Variants in RIMS2 observed in about 807,000 individuals in gnomAD.
RIMS2 encodes regulating synaptic membrane exocytosis protein 2.
RIMS2 carries 59 observed loss-of-function variants against 174.4 expected under a neutral mutation model. The observed-to-expected ratio is 0.34, with a 90% confidence interval of 0.27 to 0.42. The LOEUF is 0.42. RIMS2 is among the 10% of genes least tolerant of loss of function. RIMS2 has a pLI of 1.00. For missense variants in RIMS2, 1,620 were observed against 1,666.3 expected (o/e 0.97, Z 0.48); for synonymous variants, 606 against 572.5 (o/e 1.06, Z -0.84).
chr8:103,559,226 T>C (rs2091177194), intron 1 of RIMS2: 1 of 201,388 alleles, frequency 5.0e-6, no homozygotes, highest in African/African-American at 2.4e-5. Context: ...CCCCACTTCC[T>C]TCTTCTTCTT....
At chr8:103,705,186 T>C (rs1032349404) in intron 2 of RIMS2, among the ~76,000 whole-genome samples, 9 of 152,120 alleles carry the variant, frequency 5.9e-5, no homozygotes, top group African/African-American at 1.7e-4. Flanking sequence ...AATTTTCTTC[T>C]TAATTTCTTC....
chr8:104,194,485 G>A (rs1251496633), intron 19 of RIMS2, among the ~76,000 whole-genome samples: 1 of 152,092 alleles, frequency 6.6e-6, no homozygotes, highest in Non-Finnish European at 1.5e-5. Context: ...ATACGCTTTA[G>A]ATATAGGGTG....
intron 4 of RIMS2, among the ~76,000 whole-genome samples, chr8:103,902,009 A>G (rs1201730947): frequency 6.6e-6 from 1 of 152,200 alleles, no homozygotes; most frequent in East Asian, 1.9e-4. Context: ...GAGTCTTAGC[A>G]TGGCTAAGCT....
chr8:104,063,521 G>A (rs1344917903), intron 19 of RIMS2, among the ~76,000 whole-genome samples: 2 of 152,098 alleles, frequency 1.3e-5, no homozygotes, highest in Admixed American at 6.6e-5. Context: ...GATGGGGTAA[G>A]GAATAGAGGG....
At chr8:104,208,168 T>C (rs939325051) in intron 19 of RIMS2, among the ~76,000 whole-genome samples, 6 of 151,578 alleles carry the variant, frequency 4.0e-5, no homozygotes. Context: ...GCCAGAGATA[T>C]AGTACATTTC....
intron 1 of RIMS2, among the ~76,000 whole-genome samples, chr8:103,615,168 A>T (rs2095476409): frequency 6.6e-6 from 1 of 152,220 alleles, no homozygotes; most frequent in African/African-American, 2.4e-5. Context: ...AAAAGAACTG[A>T]AATAATACCA....
intron 3 of RIMS2, among the ~76,000 whole-genome samples, chr8:103,817,808 A>G (rs1042506663): frequency 4.6e-5 from 7 of 152,096 alleles, no homozygotes; most frequent in African/African-American, 1.7e-4. Context: ...AAATAAATAA[A>G]TAAAGCATCA....
intron 1 of RIMS2, among the ~76,000 whole-genome samples, chr8:103,548,043 C>G (rs910884395): frequency 6.6e-6 from 1 of 151,946 alleles, no homozygotes; most frequent in Non-Finnish European, 1.5e-5. Flanking sequence ...AAAAAAAGCC[C>G]AGGAGCAGAT....
At chr8:103,936,455 C>T (rs2081270095) in intron 12 of RIMS2, 96 bp from the exon 15 acceptor site, 1 of 690,816 alleles carries the variant, frequency 1.4e-6, no homozygotes, top group Non-Finnish European at 2.3e-6. Flanking sequence ...GGTAAAACTT[C>T]ACCTGACTTG....
intron 1 of RIMS2, among the ~76,000 whole-genome samples, chr8:103,561,803 T>C (rs2091635451): frequency 6.6e-6 from 1 of 152,174 alleles, no homozygotes; most frequent in Admixed American, 6.5e-5. Context: ...GATAAAGACA[T>C]ACCTGAGACT....
At chr8:104,010,259 CA>C (rs577383258) in intron 17 of RIMS2, among the ~76,000 whole-genome samples, 27 of 151,960 alleles carry the variant, frequency 1.8e-4, no homozygotes, top group African/African-American at 6.0e-4. Context: ...TATGTTGACC[CA>C]AAAAAATGAT....
chr8:104,164,653 G>T (rs774221031), intron 19 of RIMS2, among the ~76,000 whole-genome samples: 1 of 152,112 alleles, frequency 6.6e-6, no homozygotes, highest in Non-Finnish European at 1.5e-5. Flanking sequence ...TCTTTTCAGG[G>T]ATGTGGATGG....
intron 19 of RIMS2, among the ~76,000 whole-genome samples, chr8:104,188,229 A>AGAT (rs1554594318): frequency 7.6e-6 from 1 of 131,594 alleles, no homozygotes; most frequent in African/African-American, 3.0e-5. Flanking sequence ...TCAGATAGAT[A>AGAT]GATAGATAGA....
chr8:104,112,413 AT>A (rs1319338232), intron 19 of RIMS2, among the ~76,000 whole-genome samples: 2 of 152,090 alleles, frequency 1.3e-5, no homozygotes. Flanking sequence ...AACATATGGC[AT>A]TCCTATACTA....
chr8:103,918,389 C>A, intron 8 of RIMS2, 52 bp from the exon 12 acceptor site: 1 of 1,130,116 alleles, frequency 8.8e-7, no homozygotes, highest in Non-Finnish European at 1.3e-6. Context: ...ATATGAGTTG[C>A]ATTAATTGTT....
Position 104,071,711 on chromosome 8 carries a change from C to T in RIMS2, c.3334+57096C>T, listed in dbSNP as rs561485032. Among the ~76,000 whole-genome samples, 5 of 152,284 alleles carry T rather than the reference C, an allele frequency of 3.3e-5. No homozygotes were observed. The South Asian group carries it at 1.0e-3, about 32-fold the overall frequency. Reference sequence around the variant, plus strand: ...TTGGCCTCCCAAAGTGCTGGGATTACAGGCATGAGCCACCACGCCCGGCCG... The same window carrying T: ...TTGGCCTCCCAAAGTGCTGGGATTATAGGCATGAGCCACCACGCCCGGCCG... On this transcript the variant is annotated intron_variant, in intron 19 of 23. Transcript: ENST00000504942.
chr8:103,931,186 G>A, intron 11 of RIMS2, 77 bp from the exon 14 acceptor site: 1 of 1,054,002 alleles, frequency 9.5e-7, no homozygotes, highest in South Asian at 1.4e-5. Flanking sequence ...AAGAGAATGG[G>A]GTGAAGATTG....
At chr8:103,793,235 G>A (rs1446487878) in intron 3 of RIMS2, among the ~76,000 whole-genome samples, 2 of 152,130 alleles carry the variant, frequency 1.3e-5, no homozygotes, top group Non-Finnish European at 2.9e-5. Context: ...TATCCACTAC[G>A]ATCAAGTGGG....
chr8:103,636,780 A>G (rs930587518), intron 1 of RIMS2, among the ~76,000 whole-genome samples: 4 of 56,440 alleles, frequency 7.1e-5, no homozygotes, highest in African/African-American at 1.5e-4. Context: ...TCTATAACCC[A>G]CCCCCGCACC....
Sources: allele counts gnomAD v4.1 joint callset (sites outside exome capture counted in the v4.1 genomes callset), GRCh38; gene constraint gnomAD v4.1.1; transcripts MANE v1.5; gene names NCBI Gene and HGNC (gene_info 2026-07-23, HGNC 2026-07-21).